DIP2C: variants seen among roughly 807,000 people sequenced by gnomAD.
DIP2C encodes the protein DIP2 acetate--CoA ligase C (putative), also known as disco-interacting protein 2 homolog C.
In DIP2C, 33 loss-of-function variants were observed where a neutral mutation model predicts 192.4. The ratio of observed to expected loss-of-function variants is 0.17; its 90% CI spans 0.13 to 0.23. The LOEUF is 0.23. Ranked by LOEUF, DIP2C falls within the 10% of genes least tolerant of loss-of-function variation. The pLI is 1.00. For synonymous variants in DIP2C, 979 were observed against 864.1 expected (o/e 1.13, Z -2.33); for missense variants, 1,537 against 2,110.1 (o/e 0.73, Z 5.32).
At chr10:417,897 C>T (rs878951662) in intron 6 of DIP2C, among the ~76,000 whole-genome samples, 4 of 106,730 alleles carry the variant, frequency 3.7e-5, no homozygotes, top group African/African-American at 1.6e-4. Context: ...CCTGTCAGGG[C>T]TCGGATAGGC....
In DIP2C at chr10:363,602, G is replaced by A. The variant is rs568737916; in HGVS notation, c.2478-291C>T. 1.3e-5 allele frequency among the ~76,000 whole-genome samples: 2 copies of A among 152,310 alleles called. No homozygotes were observed. The highest frequency in any genetic ancestry group is 4.1e-4 in the South Asian group (2 of 4,820). On this transcript the variant is annotated intron_variant, in intron 20 of 36. Transcript: ENST00000280886. The surrounding 1 kb of genome is among the most constrained non-coding windows in gnomAD (Gnocchi z 5.4). The stretch of plus-strand genomic sequence containing the variant: ...CCTTTCGGTACAGAGGGGCAAATGC[G>A]CAATGATCAGACCTGCTGAAATTTA...
At chr10:422,683 C>G (rs1186053049) in intron 5 of DIP2C, 141 bp downstream of exon 5, 5 of 1,012,836 alleles carry the variant, frequency 4.9e-6, no homozygotes, top group Non-Finnish European at 7.0e-6. Flanking sequence ...CAGAAACAAT[C>G]CAGCCAAAGC....
Position 647,582 on chromosome 10 carries a change from G to A in DIP2C, c.85+41912C>T, listed in dbSNP as rs554687471. On this transcript the variant is annotated intron_variant, in intron 1 of 36. Coordinates refer to ENST00000280886, the MANE Select transcript of DIP2C (RefSeq NM_014974.3). ...ACTGAGTCCACGTCCACATTTGACG[G>A]TGGGAGAGAACAGAGGGAAACTGAG... is the stretch of plus-strand genomic sequence containing the variant. Among the ~76,000 whole-genome samples the A allele has an allele frequency of 3.6e-3, 546 of 150,416 alleles. 2 individuals carry two copies. Among genetic ancestry groups the A allele is most frequent in the Non-Finnish European group, 6.3e-3 (425 of 67,536 alleles).
At chr10:387,676 T>C (rs1307166140) in intron 14 of DIP2C, 69 bp downstream of exon 14, 4 of 1,325,656 alleles carry the variant, frequency 3.0e-6, no homozygotes, top group Non-Finnish European at 4.2e-6. Context: ...GGGGGACTCC[T>C]GTGTGGACAG....
chr10:436,005 A>G (rs1967156011), intron 4 of DIP2C, among the ~76,000 whole-genome samples: 1 of 152,204 alleles, frequency 6.6e-6, no homozygotes, highest in Non-Finnish European at 1.5e-5. Context: ...TTTTATTAAT[A>G]TACTTTTAAC....
intron 1 of DIP2C, among the ~76,000 whole-genome samples, chr10:586,267 G>T (rs1459558159): frequency 2.0e-5 from 3 of 152,234 alleles, no homozygotes; most frequent in African/African-American, 7.2e-5. Flanking sequence ...AGCCATCACA[G>T]CCTGAATGTC....
At chr10:405,533 G>A (rs1004903093) in intron 9 of DIP2C, among the ~76,000 whole-genome samples, 2 of 152,172 alleles carry the variant, frequency 1.3e-5, no homozygotes, top group Admixed American at 6.5e-5. Flanking sequence ...GGAAGAGAAC[G>A]TTGTACTTAC....
chr10:399,345 T>C, intron 9 of DIP2C, 126 bp from the exon 10 acceptor site: 2 of 666,246 alleles, frequency 3.0e-6, no homozygotes, highest in Non-Finnish European at 5.3e-6. Context: ...GTAAAATGCA[T>C]TTCAGTAAGC....
chr10:656,927 T>G (rs1211497089), intron 1 of DIP2C, among the ~76,000 whole-genome samples: 2 of 152,176 alleles, frequency 1.3e-5, no homozygotes, highest in East Asian at 1.9e-4. Context: ...ATGCTTAACA[T>G]CCACTGTGAG....
intron 32 of DIP2C, among the ~76,000 whole-genome samples, chr10:307,380 G>C (rs1159512333): frequency 6.6e-6 from 1 of 152,220 alleles, no homozygotes; most frequent in African/African-American, 2.4e-5. Flanking sequence ...AAGGTTGAAA[G>C]TGATGCTGGA....
At chr10:306,962 G>C (rs766526322) in intron 32 of DIP2C, among the ~76,000 whole-genome samples, 1 of 152,230 alleles carries the variant, frequency 6.6e-6, no homozygotes, top group Non-Finnish European at 1.5e-5. Flanking sequence ...AGGCAGATCC[G>C]TCATGATAGA....
chr10:658,102 T>C (rs1294545143), intron 1 of DIP2C, among the ~76,000 whole-genome samples: 72 of 94,422 alleles, frequency 7.6e-4, no homozygotes, highest in East Asian at 2.1e-3. Flanking sequence ...GCTGGACCTG[T>C]CCCTGGACCT....
chr10:286,213 A>C (rs1337511821), intron 34 of DIP2C, 60 bp downstream of exon 34: 13 of 1,538,140 alleles, frequency 8.5e-6, no homozygotes, highest in Non-Finnish European at 1.2e-5. Context: ...GATGGTGTCA[A>C]GGCAAGCCAA....
chr10:512,093 C>G (rs1460667141), intron 1 of DIP2C, among the ~76,000 whole-genome samples: 1 of 152,196 alleles, frequency 6.6e-6, no homozygotes, highest in Non-Finnish European at 1.5e-5. Flanking sequence ...GAACGGGCCT[C>G]CTGCTCTTTG....
chr10:605,511 A>C (rs1344855120), intron 1 of DIP2C, among the ~76,000 whole-genome samples: 2 of 152,352 alleles, frequency 1.3e-5, no homozygotes, highest in South Asian at 2.1e-4. Flanking sequence ...TTACTCACAC[A>C]AGACTGTGCT....
intron 1 of DIP2C, among the ~76,000 whole-genome samples, chr10:633,814 G>A (rs145832636): frequency 4.7e-4 from 71 of 152,348 alleles, no homozygotes; most frequent in African/African-American, 1.4e-3. Context: ...GGTTAGGTAC[G>A]CGGTGGGGTG....
At chr10:448,419 TGTC>T (rs1968507956) in intron 3 of DIP2C, among the ~76,000 whole-genome samples, 2 of 75,662 alleles carry the variant, frequency 2.6e-5, no homozygotes, top group Admixed American at 1.5e-4. Flanking sequence ...CACTCACCCC[TGTC>T]GATAATCAGG....
rs547917392 is a variant in DIP2C at position 642,338 on chromosome 10, G to A, written c.85+47156C>T. 3.9e-5 allele frequency among the ~76,000 whole-genome samples: 6 copies of A among 152,286 alleles called. No homozygotes were observed. The East Asian group carries it at 1.2e-3, about 30-fold the overall frequency. On this transcript the variant is annotated intron_variant, in intron 1 of 36. Coordinates refer to ENST00000280886, the MANE Select transcript of DIP2C (RefSeq NM_014974.3). ...GTCACACTGGGGTGGGGCAGGTCTG[G>A]GGTGGGGCAGGGTTTGCACTTCGAA... is the stretch of plus-strand genomic sequence containing the variant.
intron 1 of DIP2C, among the ~76,000 whole-genome samples, chr10:571,389 C>T (rs1849799523): frequency 6.6e-6 from 1 of 152,186 alleles, no homozygotes; most frequent in Non-Finnish European, 1.5e-5. Context: ...GTGACGCACC[C>T]GCGAGGGTCG....
Sources: gnomAD v4.1 joint callset for allele counts (sites outside exome capture counted in the v4.1 genomes callset) on GRCh38, gnomAD v4.1.1 for gene constraint, Gnocchi (gnomAD v3.1) non-coding constraint, MANE v1.5 for transcripts, NCBI Gene and HGNC (gene_info 2026-07-23, HGNC 2026-07-21) for gene names.